Variants in GALK2 observed in about 807,000 individuals in gnomAD.
The protein encoded by GALK2 is galactokinase 2.
In GALK2, 36 loss-of-function variants were observed where a neutral mutation model predicts 52.4. The ratio of observed to expected loss-of-function variants is 0.69; its 90% CI spans 0.53 to 0.91. The LOEUF is 0.91. Among genes scored for constraint, GALK2 ranks in the 40% least tolerant of loss-of-function variants. The probability of loss-of-function intolerance (pLI) is 0.00; values close to 1 mark genes in which losing one functional copy is unlikely to be tolerated. For synonymous variants in GALK2, 176 were observed against 199.1 expected, an observed-to-expected ratio of 0.88 and a Z score of 0.98; for missense variants, 579 against 559.1, an observed-to-expected ratio of 1.04 and a Z score of -0.36.
At chr15:49,364,470 C>G (rs1377482847) in intron 3 of GALK2, among the ~76,000 whole-genome samples, 1 of 151,780 alleles carries the variant, frequency 6.6e-6, no homozygotes, top group Non-Finnish European at 1.5e-5. Context: ...CTTGTCATTT[C>G]TGATTGTGTT....
At chr15:49,298,656 A>G (rs1422802729) in intron 8 of GALK2, among the ~76,000 whole-genome samples, 1 of 152,036 alleles carries the variant, frequency 6.6e-6, no homozygotes, top group Non-Finnish European at 1.5e-5. Context: ...CTTTATTTCT[A>G]TTGAGATGAT....
chr15:49,302,746 A>G (rs967062455), intron 8 of GALK2, among the ~76,000 whole-genome samples: 1 of 152,232 alleles, frequency 6.6e-6, no homozygotes, highest in Non-Finnish European at 1.5e-5. Flanking sequence ...ATAGAAAGCT[A>G]GACGAAACTC....
At chr15:49,231,907 G>T (rs984544971) in intron 3 of GALK2, among the ~76,000 whole-genome samples, 35 of 152,328 alleles carry the variant, frequency 2.3e-4, no homozygotes, top group African/African-American at 7.9e-4. Context: ...ATGGGCTAGT[G>T]TTCATGCACC....
intron 5 of GALK2, among the ~76,000 whole-genome samples, chr15:49,266,260 A>T (rs1208616992): frequency 5.3e-5 from 8 of 152,044 alleles, no homozygotes; most frequent in Non-Finnish European, 1.0e-4. Context: ...TTCTGTTTAT[A>T]TCTCATATGC....
chr15:49,217,117 G>T, intron 2 of GALK2, 73 bp from the exon 3 acceptor site: 1 of 1,374,570 alleles, frequency 7.3e-7, no homozygotes. Context: ...GTTTTTTCCT[G>T]TATGTAAACT....
intron 1 of GALK2, chr15:49,178,393 G>A (rs1364157500): frequency 9.6e-5 from 14 of 145,502 alleles, no homozygotes; most frequent in Admixed American, 9.4e-4. Flanking sequence ...ATATATATAT[G>A]TGAATTCAGG....
At chr15:49,279,117 A>G (rs1488725463) in intron 5 of GALK2, among the ~76,000 whole-genome samples, 3 of 152,212 alleles carry the variant, frequency 2.0e-5, no homozygotes, top group East Asian at 3.8e-4. Flanking sequence ...TGGGGATTAC[A>G]ATTCAAGATG....
At chr15:49,245,988 T>C (rs1410769114) in intron 5 of GALK2, among the ~76,000 whole-genome samples, 1 of 152,210 alleles carries the variant, frequency 6.6e-6, no homozygotes, top group Non-Finnish European at 1.5e-5. Flanking sequence ...TACTATTTTG[T>C]TAACAATGTT....
At chr15:49,177,164 A>AT (rs1180122699) in intron 1 of GALK2, among the ~76,000 whole-genome samples, 5 of 151,742 alleles carry the variant, frequency 3.3e-5, no homozygotes, top group Non-Finnish European at 7.4e-5. Flanking sequence ...CCACCTTGTA[A>AT]TTTTTTTATC....
At chr15:49,349,171 G>A (rs1170658718) in intron 3 of GALK2, among the ~76,000 whole-genome samples, 4 of 152,104 alleles carry the variant, frequency 2.6e-5, no homozygotes, top group Admixed American at 6.6e-5. Flanking sequence ...AACTGAGTTT[G>A]TAAGAAAAAA....
intron 8 of GALK2, among the ~76,000 whole-genome samples, chr15:49,292,872 T>G (rs1035448954): frequency 6.6e-5 from 10 of 152,170 alleles, no homozygotes; most frequent in Non-Finnish European, 1.3e-4. Flanking sequence ...AGAACTGCTC[T>G]AACTCTGTGA....
Position 49,259,616 on chromosome 15 carries a change from A to C in GALK2, c.504+20249A>C, listed in dbSNP as rs1210467034. ...TATTATACTTTAAGTTTTAGGGTACATGTGCACAATGTGCAGGTTAGTTAC... is the reference window on the plus strand; with the variant it reads ...TATTATACTTTAAGTTTTAGGGTACCTGTGCACAATGTGCAGGTTAGTTAC... On this transcript the variant is annotated intron_variant, in intron 5 of 9. Transcript: ENST00000560031. Among the ~76,000 whole-genome samples the C allele has an allele frequency of 3.5e-5, 5 of 144,764 alleles. No homozygotes were observed. The South Asian group carries it at 1.1e-3, about 32-fold the overall frequency. 95.0% of individuals were successfully genotyped at this position (144,764 alleles called of 152,430 possible). A position where few individuals can be genotyped will look rare whatever the true frequency, so the allele number is the denominator to read the frequency against.
chr15:49,251,457 A>G (rs1325175975), intron 5 of GALK2, among the ~76,000 whole-genome samples: 1 of 152,178 alleles, frequency 6.6e-6, no homozygotes, highest in African/African-American at 2.4e-5. Flanking sequence ...AGAGACATGA[A>G]GAGACCTTCT....
chr15:49,271,838 A>G (rs767770708), intron 5 of GALK2, among the ~76,000 whole-genome samples: 2 of 152,216 alleles, frequency 1.3e-5, no homozygotes, highest in Non-Finnish European at 2.9e-5. Flanking sequence ...TTGGGAGGAA[A>G]CTATTTGGGA....
intron 9 of GALK2, among the ~76,000 whole-genome samples, chr15:49,324,169 C>T (rs11631768): frequency 2.2e-4 from 33 of 152,022 alleles, no homozygotes; most frequent in East Asian, 7.7e-4. Context: ...GCTGCATTAT[C>T]GCCCAAGCTA....
chr15:49,265,154 G>A (rs928202163), intron 5 of GALK2, among the ~76,000 whole-genome samples: 2 of 152,182 alleles, frequency 1.3e-5, no homozygotes, highest in Non-Finnish European at 2.9e-5. Flanking sequence ...CTGTCTTTTT[G>A]TCTGTGCCCT....
chr15:49,313,547 A>G (rs940630796), intron 8 of GALK2, among the ~76,000 whole-genome samples: 1 of 152,118 alleles, frequency 6.6e-6, no homozygotes, highest in African/African-American at 2.4e-5. Flanking sequence ...TTCTTGGTGC[A>G]CCTTCAGCAT....
intron 5 of GALK2, among the ~76,000 whole-genome samples, chr15:49,257,811 G>C (rs2091876325): frequency 6.6e-6 from 1 of 151,446 alleles, no homozygotes; most frequent in African/African-American, 2.4e-5. Flanking sequence ...GGTTTTTCCT[G>C]ATCTCATTAG....
At chr15:49,177,793 G>C in intron 1 of GALK2, 1 of 476,148 alleles carries the variant, frequency 2.1e-6, no homozygotes, top group East Asian at 5.5e-5. Flanking sequence ...TTTTCTGACA[G>C]CATTATGGAG....
Sources: gnomAD v4.1 joint callset for allele counts (sites outside exome capture counted in the v4.1 genomes callset) on GRCh38, gnomAD v4.1.1 for gene constraint, MANE v1.5 for transcripts, NCBI Gene and HGNC (gene_info 2026-07-23, HGNC 2026-07-21) for gene names.